PLD1: variants seen among roughly 807,000 people sequenced by gnomAD.
PLD1 encodes phospholipase D1.
In PLD1, 112 loss-of-function variants were observed where a neutral mutation model predicts 137.1. That is an observed-to-expected ratio of 0.82 (90% CI 0.70 to 0.96). The LOEUF is 0.96. Among genes scored for constraint, PLD1 ranks in the 40% least tolerant of loss-of-function variants. The pLI, the probability that PLD1 is intolerant of heterozygous loss-of-function variation, is 0.00. For missense variants in PLD1, 1,321 were observed against 1,342.0 expected (o/e 0.98, Z 0.24); for synonymous variants, 431 against 454.7 (o/e 0.95, Z 0.66).
intron 20 of PLD1, among the ~76,000 whole-genome samples, chr3:171,660,312 C>A (rs1341652949): frequency 6.6e-6 from 1 of 152,202 alleles, no homozygotes; most frequent in Non-Finnish European, 1.5e-5. Context: ...GAATGTGATT[C>A]CCCTTAGGGC....
intron 21 of PLD1, chr3:171,653,993 C>G: frequency 3.6e-6 from 1 of 278,708 alleles, no homozygotes; most frequent in Non-Finnish European, 7.1e-6. Context: ...GTGGTATTTC[C>G]CATACCACCC....
rs374096235 is a variant in PLD1 at position 171,666,462 on chromosome 3, CCT to C, written c.2230-4294_2230-4293del. ...TGATTCAGTTACCTCCCACTGGGTC[CCT>C]CCCATGACATGTGGGGGATTATTAC... On this transcript the variant is annotated intron_variant, in intron 19 of 26. Transcript: ENST00000351298. 1.2e-4 allele frequency among the ~76,000 whole-genome samples: 18 copies of C among 152,376 alleles called. 1 individual carries two copies. Among genetic ancestry groups the C allele is most frequent in the African/African-American group, 4.3e-4 (18 of 41,592 alleles).
At chr3:171,669,011 C>A (rs576508912) in intron 19 of PLD1, among the ~76,000 whole-genome samples, 28 of 152,246 alleles carry the variant, frequency 1.8e-4, no homozygotes, top group African/African-American at 6.0e-4. Flanking sequence ...TCTGAGAAGG[C>A]CCAGCACTGA....
rs145104498 is a variant in PLD1 at position 171,731,204 on chromosome 3, T to C, written c.606+2240A>G. ...TGTTTTATACTTATAAAAGTATAAA[T>C]TTATTATATACATGTTAAAATAACT... On this transcript the variant is annotated intron_variant, in intron 6 of 26. Coordinates refer to ENST00000351298, the MANE Select transcript of PLD1 (RefSeq NM_002662.5). 4.6e-3 allele frequency among the ~76,000 whole-genome samples: 704 copies of C among 152,320 alleles called. 3 individuals carry two copies. Among genetic ancestry groups the C allele is most frequent in the African/African-American group, 0.016 (680 of 41,572 alleles).
intron 1 of PLD1, among the ~76,000 whole-genome samples, chr3:171,771,595 C>T (rs956161025): frequency 1.3e-5 from 2 of 152,222 alleles, no homozygotes; most frequent in African/African-American, 4.8e-5. Context: ...TCTCTCCCCT[C>T]AGACACTGCA....
chr3:171,648,722 T>G (rs1337647947), intron 21 of PLD1, among the ~76,000 whole-genome samples: 3 of 152,090 alleles, frequency 2.0e-5, no homozygotes, highest in Admixed American at 6.6e-5. Flanking sequence ...GCCCGGCTAA[T>G]TTTTTGTATT....
chr3:171,628,818 T>A (rs1255973330), intron 23 of PLD1, among the ~76,000 whole-genome samples: 5 of 152,236 alleles, frequency 3.3e-5, no homozygotes, highest in African/African-American at 1.2e-4. Flanking sequence ...ACAACTCTTC[T>A]TGCTAAAAAC....
At chr3:171,646,254 A>G (rs1736203870) in intron 21 of PLD1, among the ~76,000 whole-genome samples, 1 of 152,252 alleles carries the variant, frequency 6.6e-6, no homozygotes, top group African/African-American at 2.4e-5. Context: ...CTATATTCAC[A>G]CAAAGGTGTT....
chr3:171,697,237 C>CTTTTT (rs34340739), intron 12 of PLD1, among the ~76,000 whole-genome samples: 13 of 97,298 alleles, frequency 1.3e-4, no homozygotes, highest in Admixed American at 2.3e-4. Flanking sequence ...TTCCGGACAC[C>CTTTTT]TTTTTTTTTT....
intron 23 of PLD1, among the ~76,000 whole-genome samples, chr3:171,626,577 A>T (rs989675170): frequency 8.5e-5 from 13 of 152,200 alleles, no homozygotes; most frequent in Non-Finnish European, 1.9e-4. Flanking sequence ...GAAATGAAGG[A>T]AAAAATGTTA....
intron 1 of PLD1, among the ~76,000 whole-genome samples, chr3:171,772,755 T>C (rs1722432856): frequency 6.6e-6 from 1 of 152,204 alleles, no homozygotes; most frequent in South Asian, 2.1e-4. Context: ...GCGAGCACAT[T>C]AATGTCACAT....
intron 1 of PLD1, among the ~76,000 whole-genome samples, chr3:171,769,070 C>T (rs1381998682): frequency 6.6e-6 from 1 of 152,166 alleles, no homozygotes; most frequent in Non-Finnish European, 1.5e-5. Context: ...CTCTACTGTA[C>T]AGTCCTTTTT....
chr3:171,784,062 C>T (rs1378980519), intron 1 of PLD1, among the ~76,000 whole-genome samples: 1 of 152,138 alleles, frequency 6.6e-6, no homozygotes, highest in Admixed American at 6.5e-5. Context: ...TATTATTTGA[C>T]TTCATATTCT....
At chr3:171,620,185 A>G (rs564716035) in intron 24 of PLD1, among the ~76,000 whole-genome samples, 31 of 152,326 alleles carry the variant, frequency 2.0e-4, no homozygotes, top group African/African-American at 6.7e-4. Context: ...GAATATATAC[A>G]CCTATTCTGT....
At chr3:171,662,291 T>C in intron 19 of PLD1, 121 bp from the exon 20 acceptor site, 1 of 629,252 alleles carries the variant, frequency 1.6e-6, no homozygotes, top group East Asian at 2.7e-5. Flanking sequence ...GGCTTGAGTG[T>C]CATGTGTGAA....
At chr3:171,748,714 TG>T (rs906389234) in intron 1 of PLD1, among the ~76,000 whole-genome samples, 170 of 151,986 alleles carry the variant, frequency 1.1e-3, no homozygotes, top group African/African-American at 3.9e-3. Flanking sequence ...TATGTGATTT[TG>T]AGTGAAGTAA....
chr3:171,746,407 C>G (rs1720182588), intron 1 of PLD1, among the ~76,000 whole-genome samples: 1 of 152,264 alleles, frequency 6.6e-6, no homozygotes, highest in Non-Finnish European at 1.5e-5. Flanking sequence ...CCAATCAGCA[C>G]TCTGTGTCTA....
At chr3:171,739,149 C>T (rs1719593098) in intron 1 of PLD1, among the ~76,000 whole-genome samples, 1 of 152,170 alleles carries the variant, frequency 6.6e-6, no homozygotes. Flanking sequence ...CACCCCTGGC[C>T]TCCTCCAAGG....
At chr3:171,651,829 T>C (rs544398821) in intron 21 of PLD1, among the ~76,000 whole-genome samples, 6 of 152,318 alleles carry the variant, frequency 3.9e-5, no homozygotes, top group Admixed American at 3.3e-4. Flanking sequence ...TTCATTGTCA[T>C]TTTTAAGTCT....
Sources: allele counts gnomAD v4.1 joint callset (sites outside exome capture counted in the v4.1 genomes callset), GRCh38; gene constraint gnomAD v4.1.1; transcripts MANE v1.5; gene names NCBI Gene and HGNC (gene_info 2026-07-23, HGNC 2026-07-21).